The following SGCA variants were observed in gnomAD, a reference collection of about 807,000 sequenced individuals.
SGCA encodes the protein sarcoglycan alpha, also known as alpha-sarcoglycan.
SGCA carries 34 observed loss-of-function variants against 38.1 expected under a neutral mutation model. That is an observed-to-expected ratio of 0.89 (90% CI 0.68 to 1.19). The LOEUF (loss-of-function observed/expected upper bound fraction) is 1.19, where lower values mean the gene tolerates loss of function less well. Ranked by LOEUF, SGCA falls within the 50% of genes most tolerant of loss-of-function variation. The probability of loss-of-function intolerance (pLI) is 0.00; values close to 1 mark genes in which losing one functional copy is unlikely to be tolerated. For missense variants in SGCA, 476 were observed against 524.9 expected (o/e 0.91, Z 0.91); for synonymous variants, 209 against 214.6 (o/e 0.97, Z 0.23).
intron 8 of SGCA, among the ~76,000 whole-genome samples, chr17:50,174,202 T>A (rs1486445438): frequency 1.3e-5 from 2 of 152,136 alleles, no homozygotes; most frequent in Non-Finnish European, 2.9e-5. Flanking sequence ...GCACTTATAG[T>A]CCCAGTTACT....
chr17:50,166,008 T>C lies in SGCA; in HGVS notation c.-33T>C. 2 of 1,601,918 alleles carry C rather than the reference T, an allele frequency of 1.2e-6. No individual in the cohort carries two copies. Among genetic ancestry groups the C allele is most frequent in the Non-Finnish European group, 1.7e-6 (2 of 1,169,430 alleles). On this transcript the variant is annotated 5_prime_UTR_variant, in exon 1 of 10. Coordinates refer to ENST00000262018, the MANE Select transcript of SGCA (RefSeq NM_000023.4). ...TCCTCTCCTCCCTGCCCCCTGTCTC[T>C]GTCACTCACCGGGCGGGCCAGGCCG...
intron 4 of SGCA, among the ~76,000 whole-genome samples, 173 bp downstream of exon 4, chr17:50,168,192 T>C (rs770715173): frequency 6.6e-6 from 1 of 152,244 alleles, no homozygotes; most frequent in Non-Finnish European, 1.5e-5. Flanking sequence ...TTCCAGGCTC[T>C]GGAGTTCTGT....
Position 50,168,101 on chromosome 17 carries a change from A to G in SGCA, c.385+82A>G, listed in dbSNP as rs1394532353. 7.3e-6 allele frequency: 10 copies of G among 1,365,058 alleles called. No individual in the cohort carries two copies. The South Asian group carries it at 1.0e-4, about 14-fold the overall frequency. 84.6% of individuals were successfully genotyped at this position (1,365,058 alleles called of 1,614,324 possible). A position where few individuals can be genotyped will look rare whatever the true frequency, so the allele number is the denominator to read the frequency against. On this transcript the variant is annotated intron_variant, in intron 4 of 9. Coordinates refer to ENST00000262018, the MANE Select transcript of SGCA (RefSeq NM_000023.4). Reference sequence around the variant, plus strand: ...CCCGGAGGGGGAGGGGGCTGTGGACAGGAGAGGCTTGGAGAGGAGTGGAGC... The same window carrying G: ...CCCGGAGGGGGAGGGGGCTGTGGACGGGAGAGGCTTGGAGAGGAGTGGAGC...
rs1359402755 is a variant in SGCA, at chr17:50,167,110, A to T, written c.38-258A>T. Among the ~76,000 whole-genome samples, 1 of 151,818 alleles carries T rather than the reference A, an allele frequency of 6.6e-6. No homozygotes were observed. The highest frequency in any genetic ancestry group is 1.5e-5 in the Non-Finnish European group (1 of 67,946). On this transcript the variant is annotated intron_variant, in intron 1 of 9. Transcript: ENST00000262018. The surrounding 1 kb of genome is among the most constrained non-coding windows in gnomAD (Gnocchi z 4.5). Reference sequence around the variant, plus strand: ...AACATCAGTCCCTGCCCACTGCACCATTAATAGGGGCCTAAAACAAGGAAT... The same window carrying T: ...AACATCAGTCCCTGCCCACTGCACCTTTAATAGGGGCCTAAAACAAGGAAT...
In SGCA at chr17:50,169,414, T is replaced by TAC. The variant is rs3138607; in HGVS notation, c.747+191_747+192dup. 0.24 allele frequency: 111,579 copies of TAC among 474,208 alleles called. 2,815 individuals carry two copies. The highest frequency in any genetic ancestry group is 0.25 in the East Asian group (6,979 of 27,482). The allele number at this position is 474,208 out of a possible 1,614,324, so 29.4% of individuals were successfully genotyped here. A position where few individuals can be genotyped will look rare whatever the true frequency, so the allele number is the denominator to read the frequency against. On this transcript the variant is annotated intron_variant, in intron 6 of 9. Transcript: ENST00000262018. ...ATTGCCCACAGGCTTAGTCTGAGGA[T>TAC]ACACACACACACACACACACACACA...
At chr17:50,172,402 G>A (rs556532664) in intron 8 of SGCA, 1 of 422,228 alleles carries the variant, frequency 2.4e-6, no homozygotes, top group Non-Finnish European at 4.9e-6. Context: ...GAGGAGGGCT[G>A]CGCTTGTGGG....
intron 7 of SGCA, 80 bp from the exon 8 acceptor site, chr17:50,170,560 C>A: frequency 2.8e-6 from 4 of 1,449,062 alleles, no homozygotes; most frequent in Non-Finnish European, 3.8e-6. Flanking sequence ...TGCACACAGA[C>A]CTCCACTCAC....
chr17:50,173,825 C>T (rs1905685156), intron 8 of SGCA, among the ~76,000 whole-genome samples: 1 of 152,210 alleles, frequency 6.6e-6, no homozygotes, highest in Non-Finnish European at 1.5e-5. Flanking sequence ...CTGCTGGCCT[C>T]CCCGCAGGAG....
At chr17:50,166,285 G>C (rs533470336) in intron 1 of SGCA, 1 of 608,020 alleles carries the variant, frequency 1.6e-6, no homozygotes, top group Admixed American at 2.9e-5. Flanking sequence ...GGGGCTGGGA[G>C]CTCTGAGGGC....
At position 50,169,161 on chromosome 17, in the gene SGCA, C is replaced by T; in HGVS notation, c.654C>T (p.Ser218=). ...TCLKMVASPD[S]HARCAQGQPP... ...TGAAGATGGTGGCATCCCCCGATAG[C>T]CACGCCCGCTGTGCCCAGGGCCAGC... The change falls in exon 6 of 10, where the codon AGC becomes AGT. Residue 218 remains serine, a synonymous_variant. Transcript: ENST00000262018. 3.1e-6 allele frequency: 5 copies of T among 1,614,038 alleles called. No individual in the cohort carries two copies. The highest frequency in any genetic ancestry group is 4.2e-6 in the Non-Finnish European group (5 of 1,179,980).
In SGCA at chr17:50,167,072, C is replaced by G. The variant is rs1158582451; in HGVS notation, c.38-296C>G. Reference sequence around the variant, plus strand: ...ACACACACACACACCCTCACACACACACTTCCCAGTCAAACATCAGTCCCT... The same window carrying G: ...ACACACACACACACCCTCACACACAGACTTCCCAGTCAAACATCAGTCCCT... On this transcript the variant is annotated intron_variant, in intron 1 of 9. Coordinates refer to ENST00000262018, the MANE Select transcript of SGCA (RefSeq NM_000023.4). The surrounding 1 kb of genome is among the most constrained non-coding windows in gnomAD (Gnocchi z 4.5). Among the ~76,000 whole-genome samples the G allele has an allele frequency of 1.3e-5, 2 of 151,914 alleles. No homozygotes were observed. Among genetic ancestry groups the G allele is most frequent in the East Asian group, 3.8e-4 (2 of 5,198 alleles).
In SGCA at chr17:50,175,381, C is replaced by T. The variant is rs368243053; in HGVS notation, c.1108C>T (p.Arg370Trp). The T allele has an allele frequency of 6.1e-5, 98 of 1,612,904 alleles. No homozygotes were observed. Among genetic ancestry groups the T allele is most frequent in the African/African-American group, 8.0e-5 (6 of 75,070 alleles). Reference sequence around the variant, plus strand: ...CATGTTCAATGTGCACACAGGTGAGCGGCTGCCTCCCCGCGTGGACAGCGC... The same window carrying T: ...CATGTTCAATGTGCACACAGGTGAGTGGCTGCCTCCCCGCGTGGACAGCGC... ...LPMFNVHTGE[R>W]LPPRVDSAQV... is the part of the protein sequence containing the mutation. Residue 370 changes from arginine (R) to tryptophan (W), a missense_variant, in exon 9 of 10, where the codon CGG becomes TGG. Arg to Trp is a moderately radical substitution (Grantham distance 101). Coordinates refer to ENST00000262018, the MANE Select transcript of SGCA (RefSeq NM_000023.4).
At chr17:50,175,474 C>T in intron 9 of SGCA, 25 bp downstream of exon 9, 1 of 1,591,546 alleles carries the variant, frequency 6.3e-7, no homozygotes, top group Non-Finnish European at 8.6e-7. Context: ...TGATGCCAGC[C>T]TTATTTCTGG....
At chr17:50,174,301 A>G (rs774737150) in intron 8 of SGCA, among the ~76,000 whole-genome samples, 5 of 152,216 alleles carry the variant, frequency 3.3e-5, no homozygotes, top group Admixed American at 6.5e-5. Flanking sequence ...AGTTGGCGAC[A>G]AAGTGAGACC....
chr17:50,172,432 G>A (rs1905526192), intron 8 of SGCA: 12 of 395,772 alleles, frequency 3.0e-5, no homozygotes, highest in Middle Eastern at 4.2e-4. Context: ...GGGCCTGCAC[G>A]GTGCGTGCAC....
rs758637637 is a variant in SGCA, at chr17:50,167,344, T to C, written c.38-24T>C. 6.2e-7 allele frequency: 1 copy of C among 1,613,980 alleles called. No homozygotes were observed. Among genetic ancestry groups the C allele is most frequent in the Non-Finnish European group, 8.5e-7 (1 of 1,179,970 alleles). On this transcript the variant is annotated intron_variant, in intron 1 of 9. Transcript: ENST00000262018. The surrounding 1 kb of genome is among the most constrained non-coding windows in gnomAD (Gnocchi z 4.5). ...CCAGGACTGAGGCTGGCCTGTGTGT[T>C]TGGGACTTGTGGGGTCCCCACAGTT...
chr17:50,168,900 C>A (rs1905148120), intron 5 of SGCA, among the ~76,000 whole-genome samples, 192 bp from the exon 6 acceptor site: 1 of 152,030 alleles, frequency 6.6e-6, no homozygotes, highest in Non-Finnish European at 1.5e-5. Flanking sequence ...TCTCAGATCT[C>A]TGGGAGGACT....
At chr17:50,170,558 G>T in intron 7 of SGCA, 82 bp from the exon 8 acceptor site, 1 of 1,459,180 alleles carries the variant, frequency 6.9e-7, no homozygotes, top group South Asian at 1.2e-5. Context: ...ATTGCACACA[G>T]ACCTCCACTC....
intron 9 of SGCA, 66 bp from the exon 10 acceptor site, chr17:50,175,646 T>A (rs1905882842): frequency 1.4e-6 from 1 of 692,414 alleles, no homozygotes; most frequent in South Asian, 1.5e-5. Flanking sequence ...AGTTGGAGTG[T>A]CAGGGTGGGG....
Sources: allele counts gnomAD v4.1 joint callset (sites outside exome capture counted in the v4.1 genomes callset), GRCh38; gene constraint gnomAD v4.1.1; non-coding constraint Gnocchi (gnomAD v3.1); transcripts MANE v1.5; gene names NCBI Gene and HGNC (gene_info 2026-07-23, HGNC 2026-07-21).